Variants in HDAC9 observed in about 807,000 individuals in gnomAD.
HDAC9 encodes MEF-2 interacting transcription repressor (MITR) protein.
A neutral mutation model predicts 139.4 loss-of-function variants in HDAC9; 41 were observed. The ratio of observed to expected loss-of-function variants is 0.29; its 90% CI spans 0.23 to 0.38. The LOEUF (loss-of-function observed/expected upper bound fraction) is 0.38. Ranked by LOEUF, HDAC9 falls within the 10% of genes least tolerant of loss-of-function variation. The pLI is 1.00. For synonymous variants in HDAC9, 517 were observed against 476.2 expected (o/e 1.09, Z -1.12); for missense variants, 1,147 against 1,297.0 (o/e 0.88, Z 1.78).
intron 1 of HDAC9, among the ~76,000 whole-genome samples, chr7:18,350,065 C>T (rs1462983979): frequency 1.3e-5 from 2 of 151,954 alleles, no homozygotes; most frequent in Non-Finnish European, 2.9e-5. Flanking sequence ...TTTTTTCTCC[C>T]TCTTGTTATT....
At chr7:18,238,976 C>A (rs898640674) in intron 2 of HDAC9, among the ~76,000 whole-genome samples, 7 of 152,102 alleles carry the variant, frequency 4.6e-5, no homozygotes, top group Non-Finnish European at 7.4e-5. Flanking sequence ...AAGTTGTTTT[C>A]CCCATAATTT....
intron 24 of HDAC9, among the ~76,000 whole-genome samples, chr7:18,968,551 C>T (rs1440073520): frequency 6.6e-6 from 1 of 151,976 alleles, no homozygotes; most frequent in Non-Finnish European, 1.5e-5. Context: ...AAATGAGTAC[C>T]GCAGATTCCA....
At chr7:18,361,436 A>G (rs1242887483) in intron 1 of HDAC9, among the ~76,000 whole-genome samples, 2 of 152,144 alleles carry the variant, frequency 1.3e-5, no homozygotes, top group Non-Finnish European at 2.9e-5. Flanking sequence ...TTTGGGTAGT[A>G]TTCACTGCCT....
chr7:18,877,778 A>G lies in HDAC9; in HGVS notation c.2803+3182A>G, dbSNP rs544831276. 2.6e-5 allele frequency among the ~76,000 whole-genome samples: 4 copies of G among 152,276 alleles called. No homozygotes were observed. The East Asian group carries it at 5.8e-4, about 22-fold the overall frequency. On this transcript the variant is annotated intron_variant, in intron 22 of 25. Transcript: ENST00000686413. ...AGCCCAAATATAGAGGTGATTTAAA[A>G]TTAAAGGTAATTCTTTTCACTAGTG...
At chr7:18,145,117 C>G (rs1345645109) in intron 1 of HDAC9, among the ~76,000 whole-genome samples, 1 of 152,120 alleles carries the variant, frequency 6.6e-6, no homozygotes, top group Non-Finnish European at 1.5e-5. Context: ...GGTGACATCC[C>G]TGAGAAGCAA....
chr7:18,319,479 G>A (rs1015267405), intron 1 of HDAC9, among the ~76,000 whole-genome samples: 4 of 152,216 alleles, frequency 2.6e-5, no homozygotes, highest in South Asian at 2.1e-4. Context: ...ATTTGTTGAC[G>A]CCTATAAATT....
intron 1 of HDAC9, among the ~76,000 whole-genome samples, chr7:18,410,669 A>G (rs1788458734): frequency 6.6e-6 from 1 of 152,182 alleles, no homozygotes; most frequent in Non-Finnish European, 1.5e-5. Context: ...TAGTACATAC[A>G]GTAGAGTTGA....
intron 12 of HDAC9, among the ~76,000 whole-genome samples, chr7:18,723,713 A>AT: frequency 6.6e-6 from 1 of 152,094 alleles, no homozygotes; most frequent in Non-Finnish European, 1.5e-5. Flanking sequence ...CTTACTTACT[A>AT]TTAAAAAAAA....
intron 5 of HDAC9, among the ~76,000 whole-genome samples, chr7:18,591,859 T>C (rs917631888): frequency 2.0e-5 from 3 of 152,088 alleles, no homozygotes; most frequent in African/African-American, 7.2e-5. Context: ...TAAAATAACA[T>C]GGTAAGGTAC....
intron 2 of HDAC9, among the ~76,000 whole-genome samples, chr7:18,280,283 C>T (rs1663516741): frequency 6.6e-6 from 1 of 151,918 alleles, no homozygotes; most frequent in Non-Finnish European, 1.5e-5. Flanking sequence ...GTGACTCCAT[C>T]TCTACAAAAA....
chr7:18,655,354 G>C (rs952243507), intron 11 of HDAC9, among the ~76,000 whole-genome samples: 1 of 152,050 alleles, frequency 6.6e-6, no homozygotes, highest in Admixed American at 6.6e-5. Flanking sequence ...ACAGTAAAAA[G>C]CCTCCTAGAT....
chr7:18,647,799 C>G lies in HDAC9; in HGVS notation c.1050C>G (p.Leu350=). Residue 350 remains leucine (L), a synonymous_variant, in exon 10 of 26, where the codon CTC becomes CTG. Transcript: ENST00000686413. The part of the protein sequence containing the change: ...VPSQLNASNS[L]KEKQKCETQT... ...TCTCAACACAGGCTTCGAATTCACT[C>G]AAAGAAAAGCAGAAGTGTGAGACGC... The G allele has an allele frequency of 1.2e-6, 2 of 1,608,904 alleles. No homozygotes were observed. Among genetic ancestry groups the G allele is most frequent in the Non-Finnish European group, 1.7e-6 (2 of 1,177,426 alleles).
intron 16 of HDAC9, among the ~76,000 whole-genome samples, chr7:18,781,308 G>C (rs917726467): frequency 6.6e-6 from 1 of 151,990 alleles, no homozygotes; most frequent in Non-Finnish European, 1.5e-5. Context: ...TTAATGTCCA[G>C]GGTTGGCTTT....
At chr7:18,393,528 G>A (rs1451618069) in intron 1 of HDAC9, among the ~76,000 whole-genome samples, 3 of 152,090 alleles carry the variant, frequency 2.0e-5, no homozygotes, top group Non-Finnish European at 4.4e-5. Flanking sequence ...TTTTTAAAAG[G>A]ATGGATGAGG....
intron 12 of HDAC9, among the ~76,000 whole-genome samples, chr7:18,677,923 C>T (rs1781627134): frequency 6.6e-6 from 1 of 151,774 alleles, no homozygotes; most frequent in African/African-American, 2.4e-5. Flanking sequence ...GATTTGTTTT[C>T]CTGCTTTCTT....
chr7:18,370,103 T>C (rs1314532868), intron 1 of HDAC9, among the ~76,000 whole-genome samples: 1 of 152,146 alleles, frequency 6.6e-6, no homozygotes, highest in East Asian at 1.9e-4. Flanking sequence ...GAATTTTAAA[T>C]GAATGGAGCG....
At chr7:18,983,158 G>C (rs1441386352) in intron 25 of HDAC9, among the ~76,000 whole-genome samples, 1 of 152,142 alleles carries the variant, frequency 6.6e-6, no homozygotes, top group Non-Finnish European at 1.5e-5. Flanking sequence ...CTGTTTCAGA[G>C]TTTGACTACT....
rs56690120 is a variant in HDAC9 at position 18,207,539 on chromosome 7, C to CTTTTT, written c.25+45204_25+45208dup. Among the ~76,000 whole-genome samples the CTTTTT allele has an allele frequency of 1.3e-4, 7 of 53,738 alleles. 2 individuals carry two copies. Among genetic ancestry groups the CTTTTT allele is most frequent in the Non-Finnish European group, 1.9e-4 (6 of 31,944 alleles). The allele number at this position is 53,738 out of a possible 152,430, so 35.3% of individuals were successfully genotyped here. ...CTCTCACCTCATCTGCCCAAGGAGTCTTTTTTTTTTTTTTTTTTGATTTGA... is the reference window on the plus strand; with the variant it reads ...CTCTCACCTCATCTGCCCAAGGAGTCTTTTTTTTTTTTTTTTTTTTTTTGATTTGA... On this transcript the variant is annotated intron_variant, in intron 2 of 12. Coordinates refer to the HDAC9 transcript ENST00000417496.
chr7:18,662,311 T>C (rs1457349134), intron 11 of HDAC9, among the ~76,000 whole-genome samples: 1 of 151,970 alleles, frequency 6.6e-6, no homozygotes, highest in East Asian at 1.9e-4. Flanking sequence ...TTAAATGGTG[T>C]AGAGGAAAGC....
Sources: allele counts gnomAD v4.1 joint callset (sites outside exome capture counted in the v4.1 genomes callset), GRCh38; gene constraint gnomAD v4.1.1; transcripts MANE v1.5; gene names NCBI Gene and HGNC (gene_info 2026-07-23, HGNC 2026-07-21).